The following IQSEC1 variants were observed in gnomAD, a reference collection of about 807,000 sequenced individuals.
The protein encoded by IQSEC1 is IQ motif and SEC7 domain-containing protein 1.
Under a neutral mutation model 91.0 loss-of-function variants are expected in IQSEC1, and 31 were observed. The ratio of observed to expected loss-of-function variants is 0.34; its 90% CI spans 0.26 to 0.46. The LOEUF is 0.46. IQSEC1 is among the 20% of genes least tolerant of loss of function. The pLI is 1.00. For missense variants in IQSEC1, 1,388 were observed against 1,575.6 expected, an observed-to-expected ratio of 0.88 and a Z score of 2.02; for synonymous variants, 699 against 662.6, an observed-to-expected ratio of 1.05 and a Z score of -0.84.
At position 13,129,938 on chromosome 3, in the gene IQSEC1, G is replaced by A. The variant is rs371202834; in HGVS notation, c.302+34166C>T. ...CTCCCAAAGTGCTGGGATTACAGGC[G>A]TGAGCCACCGCGCCTGGCCACACCT... On this transcript the variant is annotated intron_variant, in intron 2 of 15. Transcript: ENST00000648114. 5.7e-4 allele frequency among the ~76,000 whole-genome samples: 87 copies of A among 151,982 alleles called. 3 individuals are homozygous for A. In the South Asian group the frequency reaches 0.015, roughly 25 times the overall value.
intron 1 of IQSEC1, among the ~76,000 whole-genome samples, chr3:13,060,640 G>A (rs1705032964): frequency 6.6e-6 from 1 of 152,228 alleles, no homozygotes; most frequent in Non-Finnish European, 1.5e-5. Context: ...TAAGGAACAA[G>A]GACAGGACAG....
intron 1 of IQSEC1, among the ~76,000 whole-genome samples, chr3:12,961,250 T>C (rs900747639): frequency 6.6e-6 from 1 of 152,214 alleles, no homozygotes; most frequent in African/African-American, 2.4e-5. Flanking sequence ...GCACCACAGC[T>C]CTGCTCCATC....
At chr3:13,048,608 T>C (rs1462921918) in intron 1 of IQSEC1, among the ~76,000 whole-genome samples, 1 of 152,216 alleles carries the variant, frequency 6.6e-6, no homozygotes, top group Admixed American at 6.5e-5. Context: ...GTCCCAGCTT[T>C]AGCCTCCGTT....
chr3:13,202,740 A>G (rs572779288), intron 1 of IQSEC1, among the ~76,000 whole-genome samples: 87 of 152,138 alleles, frequency 5.7e-4, no homozygotes, highest in African/African-American at 2.0e-3. Flanking sequence ...ATGTACTAAT[A>G]CCCCTGAACC....
chr3:12,901,444 T>C lies in IQSEC1; in HGVS notation c.2884A>G (p.Met962Val), dbSNP rs1694294166. ...CCCAGGAGGGAAGATGAGTTGGGCA[T>C]AGTCTGGTGTGGGCGAGATGGACAC... ...RECPSRPHQTMPNSSSLLGSL... is the reference protein window; with the variant it reads ...RECPSRPHQTVPNSSSLLGSL... The change falls in exon 14 of 14, where the codon ATG becomes GTG. Residue 962 changes from methionine to valine, a missense_variant. By Grantham distance (21) the Met-to-Val change is conservative. Around this residue, in one of 2 missense-constraint regions of IQSEC1, gnomAD observed 329 missense variants for 257.8 expected, o/e 1.28. Transcript: ENST00000613206. The C allele has an allele frequency of 1.3e-6, 2 of 1,548,646 alleles. No individual in the cohort carries two copies. The highest frequency in any genetic ancestry group is 1.4e-5 in the African/African-American group (1 of 72,948).
chr3:13,200,660 C>G (rs774167212), intron 1 of IQSEC1, among the ~76,000 whole-genome samples: 1 of 152,236 alleles, frequency 6.6e-6, no homozygotes, highest in African/African-American at 2.4e-5. Context: ...CGGCTGCTAG[C>G]CCCTGCTCTC....
At chr3:13,146,456 C>T (rs952967388) in intron 2 of IQSEC1, among the ~76,000 whole-genome samples, 26 of 152,202 alleles carry the variant, frequency 1.7e-4, no homozygotes, top group African/African-American at 5.3e-4. Flanking sequence ...CGGCAGCACA[C>T]GACACGGTGG....
intron 2 of IQSEC1, among the ~76,000 whole-genome samples, chr3:13,111,362 C>T (rs1256649879): frequency 1.3e-5 from 2 of 152,204 alleles, no homozygotes; most frequent in African/African-American, 2.4e-5. Context: ...GTGGCTTTCT[C>T]ATCCTTAGAC....
chr3:12,906,895 C>G (rs1423763859), intron 12 of IQSEC1, among the ~76,000 whole-genome samples: 2 of 152,196 alleles, frequency 1.3e-5, no homozygotes, highest in Admixed American at 6.5e-5. Flanking sequence ...TGCAGAGGCC[C>G]AAAGCAGTCC....
intron 1 of IQSEC1, among the ~76,000 whole-genome samples, chr3:13,167,819 C>T (rs1286978361): frequency 6.6e-6 from 1 of 152,230 alleles, no homozygotes; most frequent in African/African-American, 2.4e-5. Context: ...GCTCACTGGA[C>T]TTGAACCTCT....
chr3:12,967,707 G>C lies in IQSEC1; in HGVS notation c.24-25842C>G. On this transcript the variant is annotated intron_variant, in intron 1 of 13. Transcript: ENST00000613206. This position sits in a 1 kb window ranked among gnomAD's most constrained non-coding sequence, Gnocchi z 5.9. ...CCCGCTTGGCGCAGCGCGAGGCCGG[G>C]CCGGAGGAATGTGGCCCTGAAGTGG... 8.9e-7 allele frequency: 1 copy of C among 1,129,126 alleles called. No homozygotes were observed. Among genetic ancestry groups the C allele is most frequent in the South Asian group, 4.4e-5 (1 of 22,890 alleles). 69.9% of individuals were successfully genotyped at this position (1,129,126 alleles called of 1,614,324 possible). A position where few individuals can be genotyped will look rare whatever the true frequency, so the allele number is the denominator to read the frequency against.
intron 1 of IQSEC1, among the ~76,000 whole-genome samples, chr3:12,974,111 GCCAC>G (rs1381498633): frequency 2.0e-5 from 3 of 152,200 alleles, no homozygotes; most frequent in Non-Finnish European, 4.4e-5. Context: ...CTGCAGCTAG[GCCAC>G]AGTGTCCCCC....
At chr3:13,189,431 A>G (rs973381707) in intron 1 of IQSEC1, among the ~76,000 whole-genome samples, 4 of 152,118 alleles carry the variant, frequency 2.6e-5, no homozygotes, top group Non-Finnish European at 5.9e-5. Context: ...TGCCCTGGGC[A>G]GCAGGGTTCT....
chr3:13,153,327 G>A (rs1707031210), intron 2 of IQSEC1, among the ~76,000 whole-genome samples: 1 of 152,206 alleles, frequency 6.6e-6, no homozygotes, highest in African/African-American at 2.4e-5. Flanking sequence ...AGCCCGTCCT[G>A]TGGAAGTGGA....
chr3:12,957,629 T>G (rs1576040877), intron 1 of IQSEC1, among the ~76,000 whole-genome samples: 1 of 152,280 alleles, frequency 6.6e-6, no homozygotes, highest in African/African-American at 2.4e-5. Flanking sequence ...GGACAGGGTG[T>G]GGACAGAGAG....
chr3:13,021,145 C>G lies in IQSEC1; in HGVS notation c.23+51847G>C, dbSNP rs568460580. ...GGCTGCCCCTAAGCCCTTCCATATA[C>G]AAATTCGGGCCCCGTGTAGTTCCCC... On this transcript the variant is annotated intron_variant, in intron 1 of 13. Transcript: ENST00000613206. Among the ~76,000 whole-genome samples the G allele has an allele frequency of 2.6e-5, 4 of 152,280 alleles. No homozygotes were observed. In the East Asian group the frequency reaches 7.7e-4, roughly 29 times the overall value.
At chr3:13,281,039 CA>C (rs1425298222) in intron 1 of IQSEC1, among the ~76,000 whole-genome samples, 1 of 152,232 alleles carries the variant, frequency 6.6e-6, no homozygotes, top group Non-Finnish European at 1.5e-5. Flanking sequence ...GCGTGGTCAC[CA>C]GGGGTGACGC....
chr3:13,180,979 T>A (rs944703903), intron 1 of IQSEC1, among the ~76,000 whole-genome samples: 15 of 152,020 alleles, frequency 9.9e-5, no homozygotes, highest in Non-Finnish European at 2.1e-4. Context: ...GACACAAAAA[T>A]ATATGAAGCA....
chr3:13,213,937 ATTC>A (rs1694492290), intron 1 of IQSEC1, among the ~76,000 whole-genome samples: 2 of 152,022 alleles, frequency 1.3e-5, no homozygotes, highest in Non-Finnish European at 2.9e-5. Context: ...AGCCTCACTG[ATTC>A]TGCCGCCCAG....
Sources: allele counts gnomAD v4.1 joint callset (sites outside exome capture counted in the v4.1 genomes callset), GRCh38; gene constraint gnomAD v4.1.1; regional missense constraint gnomAD v4.1.1; non-coding constraint Gnocchi (gnomAD v3.1); transcripts MANE v1.5; gene names NCBI Gene and HGNC (gene_info 2026-07-23, HGNC 2026-07-21).